PRKCA: variants seen among roughly 807,000 people sequenced by gnomAD.
The protein encoded by PRKCA is protein kinase C alpha type.
Under a neutral mutation model 87.0 loss-of-function variants are expected in PRKCA, and 27 were observed. The observed-to-expected ratio is 0.31, with a 90% CI of 0.23 to 0.43. The LOEUF (loss-of-function observed/expected upper bound fraction) is 0.43, where lower values mean the gene tolerates loss of function less well. Ranked by LOEUF, PRKCA falls within the 20% of genes least tolerant of loss-of-function variation. The pLI is 1.00. For missense variants in PRKCA, 518 were observed against 852.3 expected, an observed-to-expected ratio of 0.61 and a Z score of 4.88; for synonymous variants, 329 against 311.1, an observed-to-expected ratio of 1.06 and a Z score of -0.61.
intron 8 of PRKCA, among the ~76,000 whole-genome samples, chr17:66,702,159 C>T (rs1446132722): frequency 2.6e-5 from 4 of 151,802 alleles, no homozygotes; most frequent in African/African-American, 4.8e-5. Flanking sequence ...TACACACACA[C>T]ATATATACAT....
At chr17:66,455,544 A>G (rs1817931090) in intron 2 of PRKCA, among the ~76,000 whole-genome samples, 1 of 152,216 alleles carries the variant, frequency 6.6e-6, no homozygotes, top group South Asian at 2.1e-4. Flanking sequence ...CATCTCTTTT[A>G]TTCTGTAAAC....
chr17:66,673,010 TAATAAGA>T (rs1335965293), intron 5 of PRKCA, among the ~76,000 whole-genome samples: 1 of 152,158 alleles, frequency 6.6e-6, no homozygotes, highest in Non-Finnish European at 1.5e-5. Context: ...GTTACTCCTA[TAATAAGA>T]AAAAAATTTT....
chr17:66,571,649 A>G (rs1969082752), intron 3 of PRKCA, among the ~76,000 whole-genome samples: 1 of 152,330 alleles, frequency 6.6e-6, no homozygotes, highest in East Asian at 1.9e-4. Flanking sequence ...TGTTTTAGAA[A>G]TTGTTTTTCT....
chr17:66,506,610 C>G (rs1335364460), intron 3 of PRKCA, among the ~76,000 whole-genome samples: 23 of 152,200 alleles, frequency 1.5e-4, no homozygotes, highest in Non-Finnish European at 2.9e-5. Context: ...GAGACTTTTA[C>G]TGAACTCCCT....
Position 66,689,918 on chromosome 17 carries a change from C to T in PRKCA, c.918+871C>T, listed in dbSNP as rs8072511. 6.6e-6 allele frequency among the ~76,000 whole-genome samples: 1 copy of T among 152,146 alleles called. No homozygotes were observed. The highest frequency in any genetic ancestry group is 1.5e-5 in the Non-Finnish European group (1 of 68,036). ...TTGTTAGAATTCCCTGGAATTTCCC[C>T]GCTCTAGAGCAGTACACGTGCACAC... On this transcript the variant is annotated intron_variant, in intron 8 of 16. Transcript: ENST00000413366. This position sits in a 1 kb window ranked among gnomAD's most constrained non-coding sequence, Gnocchi z 4.1.
chr17:66,463,846 A>G (rs1252172950), intron 2 of PRKCA, among the ~76,000 whole-genome samples: 1 of 152,182 alleles, frequency 6.6e-6, no homozygotes, highest in Non-Finnish European at 1.5e-5. Flanking sequence ...AGAGTGGTCC[A>G]TTCATTGCAG....
intron 8 of PRKCA, among the ~76,000 whole-genome samples, chr17:66,726,430 G>T (rs764497749): frequency 2.0e-4 from 30 of 152,206 alleles, no homozygotes; most frequent in Admixed American, 3.3e-4. Context: ...TTGCAGTCAG[G>T]TGGCAACGGT....
intron 14 of PRKCA, chr17:66,775,719 T>A (rs1030836367): frequency 1.0e-6 from 1 of 985,334 alleles, no homozygotes; most frequent in African/African-American, 1.7e-5. Flanking sequence ...CCTTCCCACA[T>A]GTTACGTCCA....
intron 5 of PRKCA, among the ~76,000 whole-genome samples, chr17:66,650,900 C>T (rs76465497): frequency 0.053 from 8,117 of 152,180 alleles, 290 homozygotes; most frequent in Admixed American, 0.077. Flanking sequence ...CATTATTGAG[C>T]GTGTGTCCTG....
At chr17:66,314,557 A>C (rs1040184520) in intron 2 of PRKCA, among the ~76,000 whole-genome samples, 1 of 152,200 alleles carries the variant, frequency 6.6e-6, no homozygotes, top group Non-Finnish European at 1.5e-5. Context: ...GTTCATCTTT[A>C]ATGCCTTCTC....
At chr17:66,570,588 G>C (rs777539210) in intron 3 of PRKCA, among the ~76,000 whole-genome samples, 2 of 152,194 alleles carry the variant, frequency 1.3e-5, no homozygotes, top group Non-Finnish European at 2.9e-5. Context: ...GAGTGAGATC[G>C]TGATATTGCT....
chr17:66,463,844 CCATTCATTG>C (rs1398072021), intron 2 of PRKCA, among the ~76,000 whole-genome samples: 2 of 152,202 alleles, frequency 1.3e-5, no homozygotes, highest in Non-Finnish European at 2.9e-5. Flanking sequence ...CCAGAGTGGT[CCATTCATTG>C]CAGTTGATTA....
intron 14 of PRKCA, among the ~76,000 whole-genome samples, chr17:66,783,180 T>C (rs921055703): frequency 3.3e-5 from 5 of 152,180 alleles, no homozygotes; most frequent in Non-Finnish European, 7.4e-5. Context: ...TTTGGTCTTG[T>C]GGCTTTGTTA....
chr17:66,302,848 G>T lies in PRKCA; in HGVS notation c.-4G>T. The T allele has an allele frequency of 6.3e-7, 1 of 1,598,082 alleles. No homozygotes were observed. Among genetic ancestry groups the T allele is most frequent in the South Asian group, 1.1e-5 (1 of 89,066 alleles). On this transcript the variant is annotated 5_prime_UTR_variant, in exon 1 of 17. Transcript: ENST00000413366. Reference sequence around the variant, plus strand: ...GCGGAGGCAAGAGGTGGTTGGGGGGGACCATGGCTGACGTTTTCCCGGGCA... The same window carrying T: ...GCGGAGGCAAGAGGTGGTTGGGGGGTACCATGGCTGACGTTTTCCCGGGCA...
At chr17:66,518,164 G>A (rs1188039726) in intron 3 of PRKCA, among the ~76,000 whole-genome samples, 1 of 152,172 alleles carries the variant, frequency 6.6e-6, no homozygotes, top group East Asian at 1.9e-4. Flanking sequence ...AAAAATATTA[G>A]GCGAGGAGAA....
rs746184182 is a variant in PRKCA, at chr17:66,808,174, T to G, written c.*4137T>G. The stretch of plus-strand genomic sequence containing the variant: ...GTAGGTTCCTGCCCATTTTCCTCTC[T>G]GGCTTCCTGCCAAGAATTATGGCAG... On this transcript the variant is annotated 3_prime_UTR_variant, in exon 17 of 17. Coordinates refer to ENST00000413366, the MANE Select transcript of PRKCA (RefSeq NM_002737.3). 2 of 152,168 alleles carry G rather than the reference T, an allele frequency of 1.3e-5. No homozygotes were observed. Among genetic ancestry groups the G allele is most frequent in the Non-Finnish European group, 2.9e-5 (2 of 68,042 alleles). The allele number at this position is 152,168 out of a possible 1,614,324, so 9.4% of individuals were successfully genotyped here. A position where few individuals can be genotyped will look rare whatever the true frequency, so the allele number is the denominator to read the frequency against.
chr17:66,793,777 C>T (rs946531450), intron 16 of PRKCA, among the ~76,000 whole-genome samples: 1 of 152,078 alleles, frequency 6.6e-6, no homozygotes, highest in Non-Finnish European at 1.5e-5. Flanking sequence ...AGGGTACAGC[C>T]AGCAGCTTGG....
At chr17:66,582,866 C>T (rs1002061032) in intron 3 of PRKCA, among the ~76,000 whole-genome samples, 1 of 152,124 alleles carries the variant, frequency 6.6e-6, no homozygotes, top group African/African-American at 2.4e-5. Flanking sequence ...TGCATTCCAC[C>T]CTCAGCTGAG....
At chr17:66,386,012 G>A (rs748470779) in intron 2 of PRKCA, among the ~76,000 whole-genome samples, 4 of 139,016 alleles carry the variant, frequency 2.9e-5, no homozygotes, top group Admixed American at 6.9e-5. Context: ...CGCCCACCTC[G>A]GCCTCCCAAA....
Sources: gnomAD v4.1 joint callset for allele counts (sites outside exome capture counted in the v4.1 genomes callset) on GRCh38, gnomAD v4.1.1 for gene constraint, Gnocchi (gnomAD v3.1) non-coding constraint, MANE v1.5 for transcripts, NCBI Gene and HGNC (gene_info 2026-07-23, HGNC 2026-07-21) for gene names.